Variants in PRSS23 observed in about 807,000 individuals in gnomAD.
The protein encoded by PRSS23 is protease, serine 23.
Under a neutral mutation model 34.7 loss-of-function variants are expected in PRSS23, and 25 were observed. The ratio of observed to expected loss-of-function variants is 0.72; its 90% CI spans 0.53 to 1.01. PRSS23 has a LOEUF of 1.01. Among genes scored for constraint, PRSS23 ranks in the 50% least tolerant of loss-of-function variants. The pLI is 0.00. For synonymous variants in PRSS23, 176 were observed against 186.6 expected (o/e 0.94, Z 0.46); for missense variants, 445 against 475.6 (o/e 0.94, Z 0.60).
intron 2 of PRSS23, chr11:86,922,198 C>T (rs906364347): frequency 3.3e-5 from 5 of 152,210 alleles, no homozygotes; most frequent in Non-Finnish European, 7.3e-5. Context: ...GGCCAAGGAA[C>T]ATTCCTCTCT....
chr11:86,805,259 C>G (rs1270553371), intron 1 of PRSS23, among the ~76,000 whole-genome samples: 2 of 152,106 alleles, frequency 1.3e-5, no homozygotes, highest in Non-Finnish European at 2.9e-5. Context: ...GGGATGACTC[C>G]TTAGCCAGTA....
intron 1 of PRSS23, among the ~76,000 whole-genome samples, chr11:86,805,239 A>C (rs1003044700): frequency 1.3e-5 from 2 of 152,190 alleles, no homozygotes; most frequent in Non-Finnish European, 2.9e-5. Context: ...CAAGTCCTCG[A>C]TAAGCCCAAG....
intron 2 of PRSS23, among the ~76,000 whole-genome samples, chr11:86,855,337 G>A (rs1210727187): frequency 6.6e-6 from 1 of 152,092 alleles, no homozygotes; most frequent in Non-Finnish European, 1.5e-5. Flanking sequence ...AAATTCCTGT[G>A]AACTAAAATT....
intron 1 of PRSS23, among the ~76,000 whole-genome samples, chr11:86,820,285 C>G (rs1233441431): frequency 5.9e-5 from 9 of 152,150 alleles, no homozygotes. Flanking sequence ...AATACATTTT[C>G]TTGTAGTATA....
chr11:86,857,643 C>G, intron 2 of PRSS23: 1 of 527,114 alleles, frequency 1.9e-6, no homozygotes, highest in South Asian at 1.5e-5. Flanking sequence ...GGCAGATGGC[C>G]ACAAATCGGT....
chr11:86,840,264 A>G (rs1035826789), intron 2 of PRSS23, among the ~76,000 whole-genome samples: 2 of 152,208 alleles, frequency 1.3e-5, no homozygotes, highest in African/African-American at 2.4e-5. Context: ...AGATCTACCA[A>G]GCAAATGGAA....
At chr11:86,814,801 G>A (rs12799759), downstream of PRSS23, among the ~76,000 whole-genome samples, 10,066 of 152,260 alleles carry the variant, frequency 0.066, 390 homozygotes, top group Middle Eastern at 0.13. Flanking sequence ...AGGCATCAAT[G>A]GGGTGGTGCA....
At chr11:86,899,006 A>G (rs1282448625) in intron 2 of PRSS23, among the ~76,000 whole-genome samples, 1 of 152,218 alleles carries the variant, frequency 6.6e-6, no homozygotes, top group Non-Finnish European at 1.5e-5. Flanking sequence ...AGGCACACCC[A>G]GAAGACAAAG....
chr11:86,819,609 C>T (rs1362286424), intron 1 of PRSS23, among the ~76,000 whole-genome samples: 4 of 152,208 alleles, frequency 2.6e-5, no homozygotes, highest in African/African-American at 7.2e-5. Flanking sequence ...CTGGTGGGCA[C>T]TGTTCAAAGC....
intron 2 of PRSS23, among the ~76,000 whole-genome samples, chr11:86,897,654 A>G (rs1418431216): frequency 6.6e-6 from 1 of 151,554 alleles, no homozygotes. Flanking sequence ...TTTGTTTGTT[A>G]TAAATACTGG....
intron 2 of PRSS23, among the ~76,000 whole-genome samples, chr11:86,865,193 G>A (rs1590901681): frequency 2.0e-5 from 3 of 152,140 alleles, no homozygotes; most frequent in African/African-American, 4.8e-5. Flanking sequence ...GAAGCATCAC[G>A]GTACAGTGGG....
intron 2 of PRSS23, among the ~76,000 whole-genome samples, chr11:86,836,655 T>C (rs1948407899): frequency 6.6e-6 from 1 of 152,052 alleles, no homozygotes; most frequent in Non-Finnish European, 1.5e-5. Flanking sequence ...ACCCCTCGAA[T>C]AGTGACAGAT....
intron 2 of PRSS23, among the ~76,000 whole-genome samples, chr11:86,825,655 G>A (rs1312266343): frequency 1.3e-5 from 2 of 151,772 alleles, no homozygotes; most frequent in Non-Finnish European, 2.9e-5. Flanking sequence ...ATTGATTTTT[G>A]TATAAGGTGT....
intron 2 of PRSS23, among the ~76,000 whole-genome samples, chr11:86,892,626 T>C (rs1446834540): frequency 6.6e-6 from 1 of 152,232 alleles, no homozygotes; most frequent in Non-Finnish European, 1.5e-5. Flanking sequence ...TGTGATAATC[T>C]TTAAAACTGA....
intron 2 of PRSS23, among the ~76,000 whole-genome samples, chr11:86,887,737 A>G (rs898819818): frequency 1.3e-5 from 2 of 152,158 alleles, no homozygotes; most frequent in Non-Finnish European, 2.9e-5. Context: ...GCAGACACAC[A>G]CACTGAACAA....
chr11:86,893,364 G>A (rs10501631), intron 2 of PRSS23, among the ~76,000 whole-genome samples: 14,923 of 152,104 alleles, frequency 0.098, 785 homozygotes, highest in East Asian at 0.2. Flanking sequence ...CCAAAGCTTC[G>A]CAAATTATAC....
intron 1 of PRSS23, among the ~76,000 whole-genome samples, chr11:86,795,178 A>T (rs1415895116): frequency 1.3e-5 from 2 of 152,170 alleles, no homozygotes; most frequent in African/African-American, 4.8e-5. Flanking sequence ...CAATTTTCAA[A>T]AACATTTATT....
intron 1 of PRSS23, among the ~76,000 whole-genome samples, chr11:86,793,836 A>T (rs897959045): frequency 6.6e-6 from 1 of 152,242 alleles, no homozygotes; most frequent in African/African-American, 2.4e-5. Context: ...AAAACAAGAC[A>T]GATTTCCTAC....
At chr11:86,885,241 C>T (rs993980601) in intron 2 of PRSS23, among the ~76,000 whole-genome samples, 7 of 152,182 alleles carry the variant, frequency 4.6e-5, no homozygotes, top group African/African-American at 1.4e-4. Flanking sequence ...ATCCCAAGAA[C>T]TTCATAGGCA....
Sources: gnomAD v4.1 joint callset for allele counts (sites outside exome capture counted in the v4.1 genomes callset) on GRCh38, gnomAD v4.1.1 for gene constraint, MANE v1.5 for transcripts, NCBI Gene and HGNC (gene_info 2026-07-23, HGNC 2026-07-21) for gene names.